Variants in NTSR1 observed in about 807,000 individuals in gnomAD.
The protein encoded by NTSR1 is neurotensin receptor 1, also known as neurotensin receptor type 1.
A neutral mutation model predicts 31.2 loss-of-function variants in NTSR1; 29 were observed. The ratio of observed to expected loss-of-function variants is 0.93; its 90% CI spans 0.69 to 1.27. The LOEUF (loss-of-function observed/expected upper bound fraction) is 1.27, where lower values mean the gene tolerates loss of function less well. Among genes scored for constraint, NTSR1 ranks in the 50% most tolerant of loss-of-function variants. NTSR1 has a pLI of 0.00. For synonymous variants in NTSR1, 282 were observed against 269.9 expected (o/e 1.04, Z -0.44); for missense variants, 697 against 595.4 (o/e 1.17, Z -1.78).
intron 1 of NTSR1, among the ~76,000 whole-genome samples, chr20:62,750,602 A>G (rs1989376015): frequency 6.6e-6 from 1 of 151,184 alleles, no homozygotes; most frequent in African/African-American, 2.4e-5. Context: ...GAGGCAGGAG[A>G]ATGGCGTGAA....
rs577788430 is a variant in NTSR1 at position 62,757,288 on chromosome 20, A to G, written c.917-978A>G. On this transcript the variant is annotated intron_variant, in intron 2 of 3. Transcript: ENST00000370501. ...GGAGGATCCACCTTCATACAAGTGG[A>G]TGTCCCGTTTTCCTAACACCCTTTG... 9.2e-5 allele frequency among the ~76,000 whole-genome samples: 14 copies of G among 152,310 alleles called. No individual in the cohort carries two copies. In the East Asian group the frequency reaches 2.3e-3, roughly 25 times the overall value.
chr20:62,734,986 T>C (rs1989063720), intron 1 of NTSR1, among the ~76,000 whole-genome samples: 1 of 152,158 alleles, frequency 6.6e-6, no homozygotes, highest in East Asian at 1.9e-4. Context: ...GTCCAGAGCC[T>C]GTACAGCCTC....
At chr20:62,749,750 C>T (rs1416722735) in intron 1 of NTSR1, among the ~76,000 whole-genome samples, 1 of 152,182 alleles carries the variant, frequency 6.6e-6, no homozygotes, top group Middle Eastern at 3.2e-3. Context: ...TGAGCTATCA[C>T]TGTACACCTG....
Position 62,762,262 on chromosome 20 carries a change from C to T in NTSR1, c.*1995C>T, listed in dbSNP as rs1010151397. On this transcript the variant is annotated 3_prime_UTR_variant, in exon 4 of 4. Transcript: ENST00000370501. ...CATAATTTCTGAGCCTCGGTTTCCC[C>T]ATCTAAGGAACAGATGTGGTCGTTC... The T allele has an allele frequency of 6.6e-6, 1 of 152,272 alleles. No individual in the cohort carries two copies. The highest frequency in any genetic ancestry group is 2.4e-5 in the African/African-American group (1 of 41,446). 9.4% of individuals were successfully genotyped at this position (152,272 alleles called of 1,614,324 possible).
At chr20:62,753,269 A>G (rs767424158) in intron 1 of NTSR1, among the ~76,000 whole-genome samples, 4 of 152,140 alleles carry the variant, frequency 2.6e-5, no homozygotes, top group Non-Finnish European at 5.9e-5. Flanking sequence ...CGACATTCCC[A>G]CGACCCCAGC....
At chr20:62,712,304 T>C (rs1988631976) in intron 1 of NTSR1, among the ~76,000 whole-genome samples, 1 of 152,224 alleles carries the variant, frequency 6.6e-6, no homozygotes, top group African/African-American at 2.4e-5. Flanking sequence ...AGGGGCTGGA[T>C]ACCCTGAGCT....
intron 3 of NTSR1, among the ~76,000 whole-genome samples, chr20:62,759,690 G>A (rs1989577880): frequency 6.6e-6 from 1 of 151,504 alleles, no homozygotes; most frequent in South Asian, 2.1e-4. Context: ...CAGGAGAATG[G>A]TGTGAACCCG....
chr20:62,731,890 G>A (rs1382987689), intron 1 of NTSR1, among the ~76,000 whole-genome samples: 5 of 152,186 alleles, frequency 3.3e-5, no homozygotes, highest in Admixed American at 6.5e-5. Flanking sequence ...AGGCCGAGGC[G>A]GGTGGATCAC....
rs552453652 is a variant in NTSR1, at chr20:62,738,796, G to A, written c.715-15889G>A. ...TGCTGCTCTTGGCAGCAGAGATGGC[G>A]GAGGGTCTAGGTCTCAGGCCAGAGA... On this transcript the variant is annotated intron_variant, in intron 1 of 3. Coordinates refer to ENST00000370501, the MANE Select transcript of NTSR1 (RefSeq NM_002531.3). Among the ~76,000 whole-genome samples, 10 of 152,346 alleles carry A rather than the reference G, an allele frequency of 6.6e-5. No individual in the cohort carries two copies. The South Asian group carries it at 1.9e-3, about 28-fold the overall frequency.
rs147842055 is a variant in NTSR1, at chr20:62,758,301, C to T, written c.952C>T (p.Pro318Ser). The T allele has an allele frequency of 4.3e-6, 7 of 1,613,756 alleles. No homozygotes were observed. In the African/African-American group the frequency reaches 6.7e-5, roughly 15 times the overall value. Residue 318 changes from proline to serine, a missense_variant, in exon 3 of 4, where the codon CCC (proline) becomes TCC (serine). By Grantham distance (74) the Pro-to-Ser change is moderately conservative. Coordinates refer to ENST00000370501, the MANE Select transcript of NTSR1 (RefSeq NM_002531.3). This position sits in a 1 kb window ranked among gnomAD's most constrained non-coding sequence, Gnocchi z 4.5. ...CATCGCCTTTGTGGTCTGCTGGCTGCCCTACCACGTGCGGCGCCTCATGTT... is the reference window on the plus strand; with the variant it reads ...CATCGCCTTTGTGGTCTGCTGGCTGTCCTACCACGTGCGGCGCCTCATGTT... ...VVIAFVVCWL[P>S]YHVRRLMFCY...
At chr20:62,727,916 G>A (rs906189365) in intron 1 of NTSR1, among the ~76,000 whole-genome samples, 2 of 152,246 alleles carry the variant, frequency 1.3e-5, no homozygotes, top group African/African-American at 2.4e-5. Context: ...GGCGTGGGCC[G>A]ACCCAGCACC....
rs575046854 is a variant in NTSR1, at chr20:62,743,378, G to A, written c.715-11307G>A. Among the ~76,000 whole-genome samples, 20 of 136,232 alleles carry A rather than the reference G, an allele frequency of 1.5e-4. No homozygotes were observed. Among genetic ancestry groups the A allele is most frequent in the Middle Eastern group, 7.0e-3 (2 of 286 alleles). The allele number at this position is 136,232 out of a possible 152,430, so 89.4% of individuals were successfully genotyped here. A position where few individuals can be genotyped will look rare whatever the true frequency, so the allele number is the denominator to read the frequency against. ...TCAGCTGTGGTGGGGAAGGCAGTTC[G>A]GGGTCATGAGAACCCTGAGGGTTGC... On this transcript the variant is annotated intron_variant, in intron 1 of 3. Coordinates refer to ENST00000370501, the MANE Select transcript of NTSR1 (RefSeq NM_002531.3). The surrounding 1 kb of genome is among the most constrained non-coding windows in gnomAD (Gnocchi z 7.5).
chr20:62,727,594 G>A (rs1349967716), intron 1 of NTSR1, among the ~76,000 whole-genome samples: 2 of 152,216 alleles, frequency 1.3e-5, no homozygotes, highest in South Asian at 2.1e-4. Flanking sequence ...CTCCAGCATC[G>A]AGGTGACTGA....
In NTSR1 at chr20:62,754,887, G is replaced by A. The variant is rs764083183; in HGVS notation, c.916+1G>A. ...CTGCGGCACGGCGTGCGCGTCCTACGTACGTAACCTCTGGGCCCTCCAGGG... is the reference window on the plus strand; with the variant it reads ...CTGCGGCACGGCGTGCGCGTCCTACATACGTAACCTCTGGGCCCTCCAGGG... On this transcript the variant is annotated splice_donor_variant, in intron 2 of 3. Coordinates refer to ENST00000370501, the MANE Select transcript of NTSR1 (RefSeq NM_002531.3). LOFTEE classifies it high-confidence loss of function. 23 of 1,592,804 alleles carry A rather than the reference G, an allele frequency of 1.4e-5. No homozygotes were observed. The Middle Eastern group carries it at 5.0e-4, about 34-fold the overall frequency.
intron 1 of NTSR1, among the ~76,000 whole-genome samples, chr20:62,720,184 T>C (rs1988807560): frequency 6.6e-6 from 1 of 152,088 alleles, no homozygotes; most frequent in Admixed American, 6.5e-5. Context: ...CCTGTAGTCC[T>C]GGCAACTCGG....
Position 62,738,463 on chromosome 20 carries a change from G to T in NTSR1, c.715-16222G>T, listed in dbSNP as rs555395800. On this transcript the variant is annotated intron_variant, in intron 1 of 3. Coordinates refer to ENST00000370501, the MANE Select transcript of NTSR1 (RefSeq NM_002531.3). ...GTTTCCTAAAAAGGCCTCAGCTGCC[G>T]CTGCGTTCCTGCAGGGTGGAAGGAC... Among the ~76,000 whole-genome samples, 5 of 152,386 alleles carry T rather than the reference G, an allele frequency of 3.3e-5. No individual in the cohort carries two copies. The East Asian group carries it at 7.7e-4, about 24-fold the overall frequency.
In NTSR1 at chr20:62,744,291, G is replaced by C. The variant is rs1002017983; in HGVS notation, c.715-10394G>C. ...GCTGAGGGGCTGGACGCAGTGGCTCGTGTTTGTAATCCCAGCACTTTGGGA... is the reference window on the plus strand; with the variant it reads ...GCTGAGGGGCTGGACGCAGTGGCTCCTGTTTGTAATCCCAGCACTTTGGGA... On this transcript the variant is annotated intron_variant, in intron 1 of 3. Coordinates refer to ENST00000370501, the MANE Select transcript of NTSR1 (RefSeq NM_002531.3). This position sits in a 1 kb window ranked among gnomAD's most constrained non-coding sequence, Gnocchi z 4.1. Among the ~76,000 whole-genome samples, 2 of 152,134 alleles carry C rather than the reference G, an allele frequency of 1.3e-5. No individual in the cohort carries two copies. The highest frequency in any genetic ancestry group is 4.8e-5 in the African/African-American group (2 of 41,412).
intron 1 of NTSR1, among the ~76,000 whole-genome samples, chr20:62,734,300 C>CAAA (rs143622816): frequency 7.2e-6 from 1 of 138,006 alleles, no homozygotes; most frequent in Non-Finnish European, 1.6e-5. Flanking sequence ...CCCTTCCCCG[C>CAAA]AAAAAAAAAA....
At chr20:62,738,748 G>A (rs1989150592) in intron 1 of NTSR1, among the ~76,000 whole-genome samples, 1 of 152,354 alleles carries the variant, frequency 6.6e-6, no homozygotes, top group South Asian at 2.1e-4. Context: ...GGCTCACGCT[G>A]GTCCTCGAGG....
Sources: gnomAD v4.1 joint callset for allele counts (sites outside exome capture counted in the v4.1 genomes callset) on GRCh38, gnomAD v4.1.1 for gene constraint, Gnocchi (gnomAD v3.1) non-coding constraint, MANE v1.5 for transcripts, NCBI Gene and HGNC (gene_info 2026-07-23, HGNC 2026-07-21) for gene names.